REEP3: variants seen among roughly 807,000 people sequenced by gnomAD.
The protein encoded by REEP3 is receptor accessory protein 3, also known as receptor expression-enhancing protein 3.
In REEP3, 20 loss-of-function variants were observed where a neutral mutation model predicts 41.3. That is an observed-to-expected ratio of 0.48 (90% CI 0.34 to 0.70). The LOEUF (loss-of-function observed/expected upper bound fraction) is 0.70. Ranked by LOEUF, REEP3 falls within the 30% of genes least tolerant of loss-of-function variation. REEP3 has a pLI of 0.01. For missense variants in REEP3, 271 were observed against 308.8 expected (o/e 0.88, Z 0.92); for synonymous variants, 104 against 101.8 (o/e 1.02, Z -0.13).
intron 1 of REEP3, among the ~76,000 whole-genome samples, chr10:63,525,441 G>A (rs1202480126): frequency 5.3e-5 from 8 of 150,722 alleles, no homozygotes; most frequent in Admixed American, 1.3e-4. Context: ...TTTTTGAGAC[G>A]GAGTTTTTCT....
Position 63,623,648 on chromosome 10 carries a change from T to C in REEP3, c.*2779T>C, listed in dbSNP as rs1283798251. The C allele has an allele frequency of 6.6e-6, 1 of 152,366 alleles. No individual in the cohort carries two copies. The highest frequency in any genetic ancestry group is 1.5e-5 in the Non-Finnish European group (1 of 68,184). The allele number at this position is 152,366 out of a possible 1,614,324, so 9.4% of individuals were successfully genotyped here. On this transcript the variant is annotated 3_prime_UTR_variant, in exon 8 of 8. Transcript: ENST00000373758. The stretch of plus-strand genomic sequence containing the variant: ...CCCATTCGTTAGTTTACCATATTTT[T>C]TCCTGGTATAAAAAGGAGCCAGAAA...
intron 5 of REEP3, among the ~76,000 whole-genome samples, chr10:63,609,293 A>C (rs1282977551): frequency 6.6e-6 from 1 of 151,978 alleles, no homozygotes; most frequent in Non-Finnish European, 1.5e-5. Flanking sequence ...TCTACTAAAA[A>C]TACAAAAAAT....
chr10:63,578,366 G>A (rs959317042), intron 2 of REEP3, among the ~76,000 whole-genome samples: 7 of 152,160 alleles, frequency 4.6e-5, no homozygotes, highest in Admixed American at 4.6e-4. Context: ...CCAAAGTGCT[G>A]GGATTACAGG....
chr10:63,566,122 G>A (rs2133375502), intron 1 of REEP3, among the ~76,000 whole-genome samples: 1 of 152,210 alleles, frequency 6.6e-6, no homozygotes, highest in Admixed American at 6.5e-5. Flanking sequence ...CTGACCTCGT[G>A]ATCCACCTGC....
At chr10:63,619,594 A>G (rs1287396519) in intron 6 of REEP3, 61 bp from the exon 7 acceptor site, 4 of 1,497,096 alleles carry the variant, frequency 2.7e-6, no homozygotes, top group Non-Finnish European at 3.6e-6. Flanking sequence ...AGATGGGTCA[A>G]AGAGCCGGCG....
At chr10:63,560,786 G>T (rs1008393517) in intron 1 of REEP3, among the ~76,000 whole-genome samples, 3 of 151,992 alleles carry the variant, frequency 2.0e-5, no homozygotes, top group Non-Finnish European at 2.9e-5. Context: ...TACTTTATTT[G>T]ATTTTACACA....
intron 2 of REEP3, among the ~76,000 whole-genome samples, chr10:63,587,206 A>G (rs139096467): frequency 6.6e-6 from 1 of 152,350 alleles, no homozygotes; most frequent in Non-Finnish European, 1.5e-5. Flanking sequence ...TTAAAATGGT[A>G]TTCCTCTAGC....
At chr10:63,538,460 G>A (rs1390776297) in intron 1 of REEP3, among the ~76,000 whole-genome samples, 1 of 152,180 alleles carries the variant, frequency 6.6e-6, no homozygotes, top group African/African-American at 2.4e-5. Flanking sequence ...CGGGCCGGGT[G>A]CGGTGGCTCA....
At chr10:63,588,127 C>T (rs529675672) in intron 2 of REEP3, among the ~76,000 whole-genome samples, 1 of 152,320 alleles carries the variant, frequency 6.6e-6, no homozygotes, top group Admixed American at 6.5e-5. Flanking sequence ...GCCTTAACAG[C>T]TAATATGCCG....
chr10:63,573,360 A>G (rs1955870610), intron 2 of REEP3, among the ~76,000 whole-genome samples: 1 of 152,214 alleles, frequency 6.6e-6, no homozygotes, highest in African/African-American at 2.4e-5. Flanking sequence ...AAATTTTTTC[A>G]GGCTCATTCC....
intron 6 of REEP3, among the ~76,000 whole-genome samples, chr10:63,611,794 T>G (rs923667024): frequency 6.6e-6 from 1 of 151,676 alleles, no homozygotes; most frequent in South Asian, 2.1e-4. Context: ...AATTTTTTTT[T>G]TTTTTATTAG....
intron 2 of REEP3, among the ~76,000 whole-genome samples, chr10:63,589,973 T>G (rs556665139): frequency 1.3e-5 from 2 of 152,022 alleles, no homozygotes; most frequent in Middle Eastern, 6.8e-3. Context: ...TTTTGTATTT[T>G]TAGTAGAGAG....
chr10:63,566,106 G>C (rs1302042117), intron 1 of REEP3, among the ~76,000 whole-genome samples: 1 of 152,020 alleles, frequency 6.6e-6, no homozygotes, highest in Non-Finnish European at 1.5e-5. Flanking sequence ...GGATGGTCTT[G>C]ATCTCCTGAC....
chr10:63,535,194 G>A (rs1355588465), intron 1 of REEP3, among the ~76,000 whole-genome samples: 1 of 152,034 alleles, frequency 6.6e-6, no homozygotes. Flanking sequence ...GGGTCAAGTA[G>A]GTGAGAGAGA....
At chr10:63,562,680 A>G (rs1955752308) in intron 1 of REEP3, 2 of 454,062 alleles carry the variant, frequency 4.4e-6, no homozygotes, top group South Asian at 3.1e-5. Context: ...GGAAGCCACC[A>G]GGCATGTACT....
intron 2 of REEP3, among the ~76,000 whole-genome samples, chr10:63,569,822 G>C (rs932629247): frequency 6.6e-6 from 1 of 152,064 alleles, no homozygotes; most frequent in Middle Eastern, 3.4e-3. Flanking sequence ...TATGCCTGTA[G>C]TCCTAGCTAC....
In REEP3 at chr10:63,609,653, C is replaced by G. The variant is rs550958161; in HGVS notation, c.418-534C>G. On this transcript the variant is annotated intron_variant, in intron 5 of 7. Transcript: ENST00000373758. ...GCACATGCCTGTAATCCCAGCTACT[C>G]GGGAGACTGAGGCAGGAGAAACGTT... 4.6e-5 allele frequency among the ~76,000 whole-genome samples: 7 copies of G among 151,220 alleles called. No homozygotes were observed. In the East Asian group the frequency reaches 1.4e-3, roughly 30 times the overall value.
At chr10:63,608,620 G>T (rs1278175495) in intron 5 of REEP3, among the ~76,000 whole-genome samples, 2 of 152,114 alleles carry the variant, frequency 1.3e-5, no homozygotes, top group Non-Finnish European at 2.9e-5. Context: ...CCCCTTAGAA[G>T]AATATTTTTA....
chr10:63,534,548 T>C (rs886848989), intron 1 of REEP3, among the ~76,000 whole-genome samples: 1 of 152,180 alleles, frequency 6.6e-6, no homozygotes, highest in Non-Finnish European at 1.5e-5. Flanking sequence ...CTACAACCAG[T>C]TTTGAATATT....
Sources: gnomAD v4.1 joint callset for allele counts (sites outside exome capture counted in the v4.1 genomes callset) on GRCh38, gnomAD v4.1.1 for gene constraint, MANE v1.5 for transcripts, NCBI Gene and HGNC (gene_info 2026-07-23, HGNC 2026-07-21) for gene names.